Variants in GK5 observed in about 807,000 individuals in gnomAD.
The protein encoded by GK5 is ATP:glycerol 3-phosphotransferase 5.
Under a neutral mutation model 77.3 loss-of-function variants are expected in GK5, and 39 were observed. That is an observed-to-expected ratio of 0.50 (90% CI 0.39 to 0.66). The LOEUF is 0.66. Ranked by LOEUF, GK5 falls within the 30% of genes least tolerant of loss-of-function variation. The pLI is 0.00. For synonymous variants in GK5, 211 were observed against 208.0 expected (o/e 1.01, Z -0.13); for missense variants, 487 against 633.8 (o/e 0.77, Z 2.49).
At chr3:142,173,434 A>C (rs2063565938) in intron 12 of GK5, among the ~76,000 whole-genome samples, 1 of 152,140 alleles carries the variant, frequency 6.6e-6, no homozygotes, top group Non-Finnish European at 1.5e-5. Context: ...CTGTAATCCT[A>C]GCACTTTGGG....
rs1271593276 is a variant in GK5, at chr3:142,187,790, C to T, written c.544-11G>A. The T allele has an allele frequency of 6.2e-7, 1 of 1,606,064 alleles. No individual in the cohort carries two copies. The highest frequency in any genetic ancestry group is 8.5e-7 in the Non-Finnish European group (1 of 1,175,606). On this transcript the variant is annotated splice_polypyrimidine_tract_variant and intron_variant, in intron 5 of 15. Coordinates refer to ENST00000392993, the MANE Select transcript of GK5 (RefSeq NM_001039547.3). ...AACTGCCTTTTGCACCTTGAAAACA[C>T]AACAGCACAAAATCGATTCAAAAAG...
chr3:142,214,192 T>C (rs1159965437), intron 2 of GK5, among the ~76,000 whole-genome samples: 1 of 152,202 alleles, frequency 6.6e-6, no homozygotes, highest in Non-Finnish European at 1.5e-5. Context: ...ACAAATACTA[T>C]TCAAAGTATG....
chr3:142,209,945 C>T (rs1281142091), intron 3 of GK5, among the ~76,000 whole-genome samples: 2 of 94,592 alleles, frequency 2.1e-5, no homozygotes, highest in Non-Finnish European at 4.0e-5. Flanking sequence ...AACAAAACAG[C>T]TCGTGATTTT....
intron 9 of GK5, chr3:142,185,405 C>A (rs1454386060): frequency 8.7e-5 from 63 of 725,846 alleles, no homozygotes; most frequent in Admixed American, 1.3e-4. Flanking sequence ...AGAGTGAGAC[C>A]CTGTCTCAAA....
chr3:142,159,809 C>T lies in GK5; in HGVS notation c.*5813G>A, dbSNP rs983478959. 2 of 149,456 alleles carry T rather than the reference C, an allele frequency of 1.3e-5. No homozygotes were observed. Among genetic ancestry groups the T allele is most frequent in the African/African-American group, 5.0e-5 (2 of 40,094 alleles). 9.3% of individuals were successfully genotyped at this position (149,456 alleles called of 1,614,324 possible). ...TCTGGGACCAAGTAGGTTGTAAAGG[C>T]CCAAGGTATGTTTGGGGCTTTCTCT... On this transcript the variant is annotated 3_prime_UTR_variant, in exon 16 of 16. Transcript: ENST00000392993.
chr3:142,159,815 G>A lies in GK5; in HGVS notation c.*5807C>T. On this transcript the variant is annotated 3_prime_UTR_variant, in exon 16 of 16. Transcript: ENST00000392993. ...ACCAAGTAGGTTGTAAAGGCCCAAGGTATGTTTGGGGCTTTCTCTCTCTCT... is the reference window on the plus strand; with the variant it reads ...ACCAAGTAGGTTGTAAAGGCCCAAGATATGTTTGGGGCTTTCTCTCTCTCT... The A allele has an allele frequency of 6.8e-6, 1 of 147,206 alleles. No individual in the cohort carries two copies. Among genetic ancestry groups the A allele is most frequent in the African/African-American group, 2.5e-5 (1 of 39,580 alleles). The allele number at this position is 147,206 out of a possible 1,614,324, so 9.1% of individuals were successfully genotyped here.
At chr3:142,172,117 T>G (rs2063547282) in intron 13 of GK5, among the ~76,000 whole-genome samples, 1 of 152,074 alleles carries the variant, frequency 6.6e-6, no homozygotes, top group South Asian at 2.1e-4. Flanking sequence ...TTTAAAAAAA[T>G]CCTTCAATTT....
At chr3:142,178,330 G>A (rs1054710617) in intron 11 of GK5, among the ~76,000 whole-genome samples, 8 of 152,060 alleles carry the variant, frequency 5.3e-5, no homozygotes, top group Non-Finnish European at 8.8e-5. Context: ...CATCTAATAA[G>A]TTAAATAAGG....
intron 9 of GK5, 104 bp from the exon 10 acceptor site, chr3:142,183,153 T>C (rs2063720223): frequency 9.5e-7 from 1 of 1,047,870 alleles, no homozygotes; most frequent in Non-Finnish European, 1.4e-6. Flanking sequence ...ACATCTTCGT[T>C]TCTTTTTCCT....
intron 15 of GK5, among the ~76,000 whole-genome samples, chr3:142,168,436 A>G (rs2063498017): frequency 6.6e-6 from 1 of 152,242 alleles, no homozygotes. Flanking sequence ...ATTCAAAATT[A>G]CCAGATTTTT....
intron 15 of GK5, among the ~76,000 whole-genome samples, chr3:142,166,735 A>C (rs915935754): frequency 2.0e-5 from 3 of 152,156 alleles, no homozygotes; most frequent in African/African-American, 7.2e-5. Context: ...TGGTTTCGCC[A>C]TGTTGGCCAG....
At chr3:142,208,243 T>A (rs2064139111) in intron 3 of GK5, among the ~76,000 whole-genome samples, 1 of 152,214 alleles carries the variant, frequency 6.6e-6, no homozygotes, top group African/African-American at 2.4e-5. Context: ...TTAAGAAAAT[T>A]GAAAAATTAG....
intron 3 of GK5, among the ~76,000 whole-genome samples, 170 bp downstream of exon 3, chr3:142,213,356 A>T (rs1158790246): frequency 1.3e-5 from 2 of 152,210 alleles, no homozygotes. Flanking sequence ...GTCAAGCCCA[A>T]ATGACATGCA....
intron 13 of GK5, among the ~76,000 whole-genome samples, chr3:142,171,824 T>C (rs974169709): frequency 3.9e-5 from 6 of 152,128 alleles, no homozygotes; most frequent in Non-Finnish European, 8.8e-5. Context: ...TAAAATCTAA[T>C]AGAATTCATC....
At chr3:142,210,478 G>A (rs1376845645) in intron 3 of GK5, among the ~76,000 whole-genome samples, 1 of 152,088 alleles carries the variant, frequency 6.6e-6, no homozygotes, top group Non-Finnish European at 1.5e-5. Context: ...TTGGCTCCCT[G>A]GGGCCCAATG....
Position 142,225,544 on chromosome 3 carries a change from C to G in GK5, c.-89G>C. On this transcript the variant is annotated 5_prime_UTR_variant, in exon 1 of 16. Transcript: ENST00000392993. ...CTCCAGAGTCCCCGGGCGGCCCAAC[C>G]CGGGCCCCAACCCGGCTCAGCCGGA... The G allele has an allele frequency of 6.7e-7, 1 of 1,481,626 alleles. No individual in the cohort carries two copies. The highest frequency in any genetic ancestry group is 1.4e-5 in the African/African-American group (1 of 69,122). The allele number at this position is 1,481,626 out of a possible 1,614,324, so 91.8% of individuals were successfully genotyped here.
intron 5 of GK5, among the ~76,000 whole-genome samples, chr3:142,192,505 T>A (rs1015527738): frequency 2.0e-5 from 3 of 152,188 alleles, no homozygotes; most frequent in African/African-American, 7.2e-5. Flanking sequence ...GGCTCATGCT[T>A]GTAATTCCAG....
At chr3:142,216,667 A>C (rs2064280359) in intron 1 of GK5, among the ~76,000 whole-genome samples, 1 of 152,174 alleles carries the variant, frequency 6.6e-6, no homozygotes, top group Non-Finnish European at 1.5e-5. Flanking sequence ...GAACCATCTC[A>C]GAGAGGGAGG....
chr3:142,167,794 C>A (rs1287690042), intron 15 of GK5, among the ~76,000 whole-genome samples: 1 of 152,188 alleles, frequency 6.6e-6, no homozygotes, highest in Non-Finnish European at 1.5e-5. Context: ...AGTGGATCAC[C>A]TGAGGTCAGG....
Sources: gnomAD v4.1 joint callset for allele counts (sites outside exome capture counted in the v4.1 genomes callset) on GRCh38, gnomAD v4.1.1 for gene constraint, MANE v1.5 for transcripts, NCBI Gene and HGNC (gene_info 2026-07-23, HGNC 2026-07-21) for gene names.